Variants in CDH18 observed in about 807,000 individuals in gnomAD.
CDH18 encodes cadherin-18.
Under a neutral mutation model 67.9 loss-of-function variants are expected in CDH18, and 31 were observed. That is an observed-to-expected ratio of 0.46 (90% CI 0.34 to 0.62). The LOEUF (loss-of-function observed/expected upper bound fraction) is 0.62. Among genes scored for constraint, CDH18 ranks in the 20% least tolerant of loss-of-function variants. The probability of loss-of-function intolerance (pLI) is 0.01; values close to 1 mark genes in which losing one functional copy is unlikely to be tolerated. For missense variants in CDH18, 890 were observed against 975.5 expected (o/e 0.91, Z 1.17); for synonymous variants, 362 against 347.2 (o/e 1.04, Z -0.48).
intron 10 of CDH18, among the ~76,000 whole-genome samples, chr5:19,520,037 C>T (rs1202941647): frequency 2.0e-5 from 3 of 152,100 alleles, no homozygotes; most frequent in Non-Finnish European, 4.4e-5. Flanking sequence ...ATTTCTTATA[C>T]AGCAGAAAAA....
chr5:20,437,148 A>G (rs1008837021), intron 1 of CDH18, among the ~76,000 whole-genome samples: 2 of 93,570 alleles, frequency 2.1e-5, no homozygotes, highest in Non-Finnish European at 5.2e-5. Flanking sequence ...ATTGCTTAGG[A>G]AAAAAAAATG....
chr5:20,187,040 C>CA (rs1417815744), intron 2 of CDH18, among the ~76,000 whole-genome samples: 2 of 151,684 alleles, frequency 1.3e-5, no homozygotes, highest in African/African-American at 4.8e-5. Context: ...AAGCCAGTCA[C>CA]AAAAATATAA....
intron 1 of CDH18, among the ~76,000 whole-genome samples, chr5:20,515,307 T>TAAA (rs5866433): frequency 8.3e-6 from 1 of 121,192 alleles, no homozygotes; most frequent in Non-Finnish European, 1.8e-5. Context: ...AAGAGAGTAA[T>TAAA]AAAAAAAAAA....
chr5:20,067,010 GA>G (rs987176454), intron 2 of CDH18, among the ~76,000 whole-genome samples: 2 of 143,932 alleles, frequency 1.4e-5, no homozygotes, highest in African/African-American at 5.1e-5. Flanking sequence ...ATATATATTG[GA>G]AAAAAAAACA....
chr5:19,548,674 T>C (rs995649274), intron 8 of CDH18, among the ~76,000 whole-genome samples: 4 of 151,534 alleles, frequency 2.6e-5, no homozygotes, highest in African/African-American at 4.8e-5. Context: ...GACAGAGTAA[T>C]AGAGAATTTG....
chr5:19,614,124 T>A (rs1749447628), intron 5 of CDH18, among the ~76,000 whole-genome samples: 2 of 152,044 alleles, frequency 1.3e-5, no homozygotes, highest in African/African-American at 4.8e-5. Context: ...TATATTTATG[T>A]TAAAAATAGC....
chr5:19,847,477 G>A (rs1245953421), intron 2 of CDH18, among the ~76,000 whole-genome samples: 1 of 151,856 alleles, frequency 6.6e-6, no homozygotes, highest in African/African-American at 2.4e-5. Context: ...TAATCTCTTT[G>A]TTGATATTCT....
chr5:20,444,527 C>G (rs1011484715), intron 1 of CDH18, among the ~76,000 whole-genome samples: 1 of 152,008 alleles, frequency 6.6e-6, no homozygotes, highest in Non-Finnish European at 1.5e-5. Flanking sequence ...ACAGAGCAAG[C>G]CTCTGTCTCA....
chr5:20,394,822 A>G (rs914622729), intron 1 of CDH18, among the ~76,000 whole-genome samples: 3 of 152,180 alleles, frequency 2.0e-5, no homozygotes, highest in African/African-American at 7.2e-5. Context: ...GCCAACAAAC[A>G]TATGAAAAAA....
At chr5:19,511,118 A>G (rs1367421154) in intron 10 of CDH18, among the ~76,000 whole-genome samples, 1 of 151,912 alleles carries the variant, frequency 6.6e-6, no homozygotes, top group African/African-American at 2.4e-5. Context: ...AGCCGATCTG[A>G]TGGTTTTATA....
intron 2 of CDH18, among the ~76,000 whole-genome samples, chr5:19,932,180 C>T (rs1445345494): frequency 6.6e-6 from 1 of 151,714 alleles, no homozygotes; most frequent in Admixed American, 6.6e-5. Context: ...AACTATAAGA[C>T]ACGTTGGCAC....
intron 7 of CDH18, among the ~76,000 whole-genome samples, chr5:19,589,608 G>T (rs1336789862): frequency 6.6e-6 from 1 of 152,040 alleles, no homozygotes; most frequent in Non-Finnish European, 1.5e-5. Flanking sequence ...CACAGCCTTG[G>T]CATCATGTTG....
intron 3 of CDH18, among the ~76,000 whole-genome samples, chr5:19,778,466 T>A (rs1774664077): frequency 6.6e-6 from 1 of 152,160 alleles, no homozygotes; most frequent in South Asian, 2.1e-4. Context: ...ACAAAAATAC[T>A]ATATGAACTT....
At chr5:20,549,240 T>C (rs1014140664) in intron 1 of CDH18, among the ~76,000 whole-genome samples, 17 of 152,176 alleles carry the variant, frequency 1.1e-4, no homozygotes, top group African/African-American at 3.4e-4. Context: ...AACTTTTATA[T>C]GTGGTTTTAT....
intron 2 of CDH18, among the ~76,000 whole-genome samples, chr5:20,031,137 T>C (rs879593571): frequency 6.6e-5 from 10 of 152,104 alleles, no homozygotes; most frequent in South Asian, 2.1e-4. Flanking sequence ...CAGAAAGTTA[T>C]AGATAAAATA....
At chr5:20,255,880 A>G (rs1029144448) in intron 1 of CDH18, among the ~76,000 whole-genome samples, 9 of 147,864 alleles carry the variant, frequency 6.1e-5, no homozygotes, top group African/African-American at 2.2e-4. Context: ...AAACTATTTT[A>G]GTGATTTTAT....
intron 3 of CDH18, among the ~76,000 whole-genome samples, chr5:19,748,004 T>G (rs567033463): frequency 2.7e-4 from 39 of 146,946 alleles, no homozygotes; most frequent in Non-Finnish European, 4.8e-4. Flanking sequence ...TCCCAGCTAC[T>G]CGGGGGGCTG....
At chr5:19,501,530 A>G (rs1743248622) in intron 11 of CDH18, among the ~76,000 whole-genome samples, 1 of 147,200 alleles carries the variant, frequency 6.8e-6, no homozygotes, top group African/African-American at 2.5e-5. Context: ...AAAAAAAAAA[A>G]GAATGTGGGA....
At chr5:20,305,694 C>G in intron 1 of CDH18, 1 of 425,196 alleles carries the variant, frequency 2.4e-6, no homozygotes, top group South Asian at 2.5e-5. Context: ...TGTTCGGCAG[C>G]GAGGCGGCGA....
Sources: allele counts gnomAD v4.1 joint callset (sites outside exome capture counted in the v4.1 genomes callset), GRCh38; gene constraint gnomAD v4.1.1; transcripts MANE v1.5; gene names NCBI Gene and HGNC (gene_info 2026-07-23, HGNC 2026-07-21).